Variants in AGBL1 observed in about 807,000 individuals in gnomAD.
The protein encoded by AGBL1 is AGBL carboxypeptidase 1.
Under a neutral mutation model 118.9 loss-of-function variants are expected in AGBL1, and 130 were observed. The observed-to-expected ratio is 1.09, with a 90% CI of 0.95 to 1.26. The LOEUF is 1.26. AGBL1 is among the 50% of genes most tolerant of loss of function. The pLI is 0.00. For synonymous variants in AGBL1, 555 were observed against 478.9 expected, an observed-to-expected ratio of 1.16 and a Z score of -2.08; for missense variants, 1,584 against 1,298.1, an observed-to-expected ratio of 1.22 and a Z score of -3.38.
At chr15:86,084,068 T>C (rs1362621028) in intron 1 of AGBL1, among the ~76,000 whole-genome samples, 1 of 152,194 alleles carries the variant, frequency 6.6e-6, no homozygotes, top group Non-Finnish European at 1.5e-5. Flanking sequence ...AAAACTGTCT[T>C]AATTTCAAGC....
intron 22 of AGBL1, among the ~76,000 whole-genome samples, chr15:86,807,569 T>C (rs557272388): frequency 2.0e-5 from 3 of 152,196 alleles, no homozygotes; most frequent in African/African-American, 7.2e-5. Flanking sequence ...AGAGAGGCCA[T>C]GCAGCCTATA....
At chr15:86,318,668 A>G (rs2080055923) in intron 17 of AGBL1, among the ~76,000 whole-genome samples, 1 of 150,346 alleles carries the variant, frequency 6.7e-6, no homozygotes, top group Non-Finnish European at 1.5e-5. Context: ...GGGTATTTAT[A>G]AGATTTGAAG....
chr15:86,081,998 C>T (rs894005602), intron 1 of AGBL1, among the ~76,000 whole-genome samples: 1 of 152,128 alleles, frequency 6.6e-6, no homozygotes, highest in African/African-American at 2.4e-5. Context: ...TACTTAGTTC[C>T]CAATTAAGCA....
At chr15:86,966,734 A>G (rs896776687) in intron 23 of AGBL1, among the ~76,000 whole-genome samples, 1 of 152,112 alleles carries the variant, frequency 6.6e-6, no homozygotes, top group African/African-American at 2.4e-5. Context: ...ATTGCTGGAC[A>G]TTTGGCTTGG....
In AGBL1 at chr15:87,017,357, G is replaced by GCTAC. The variant is rs1357682613; in HGVS notation, c.3324-11465_3324-11462dup. On this transcript the variant is annotated intron_variant, in intron 24 of 24. Coordinates refer to the AGBL1 transcript ENST00000441037. ...TGAGACTTCTCAACAGAGGTCTCCAGCTACCTCCTTTAGATACAATTTGGG... is the reference window on the plus strand; with the variant it reads ...TGAGACTTCTCAACAGAGGTCTCCAGCTACCTACCTCCTTTAGATACAATTTGGG... 4.6e-5 allele frequency among the ~76,000 whole-genome samples: 7 copies of GCTAC among 152,244 alleles called. No individual in the cohort carries two copies. In the East Asian group the frequency reaches 1.4e-3, roughly 30 times the overall value.
In AGBL1 at chr15:86,264,620, T is replaced by G. The variant is rs1233602613; in HGVS notation, c.1449T>G (p.Ser483=). Residue 483 remains serine, a synonymous_variant, in exon 11 of 23, where the codon TCT becomes TCG. Transcript: ENST00000614907. ...IFCPRMSASF[S]NSTRTREVVK... is the part of the protein sequence containing the mutation. The stretch of plus-strand genomic sequence containing the variant: ...GCCCAAGGATGAGTGCCTCCTTTTC[T>G]AATTCCACTAGGACTAGAGAAGTTG... 5.0e-6 allele frequency: 8 copies of G among 1,613,798 alleles called. No individual in the cohort carries two copies. Among genetic ancestry groups the G allele is most frequent in the Non-Finnish European group, 6.8e-6 (8 of 1,179,800 alleles).
intron 23 of AGBL1, among the ~76,000 whole-genome samples, chr15:86,936,602 T>C (rs1821327): frequency 0.68 from 103,050 of 152,152 alleles, 35,723 homozygotes; most frequent in South Asian, 0.86. Context: ...TAGCCATATG[T>C]AGAAGATTGA....
chr15:86,249,891 C>G (rs946944397), intron 7 of AGBL1, among the ~76,000 whole-genome samples: 1 of 152,238 alleles, frequency 6.6e-6, no homozygotes, highest in African/African-American at 2.4e-5. Context: ...AATCTGTGCA[C>G]AGGTTCTTCA....
chr15:86,170,158 G>A (rs1597488250), intron 5 of AGBL1, among the ~76,000 whole-genome samples: 1 of 152,138 alleles, frequency 6.6e-6, no homozygotes, highest in East Asian at 1.9e-4. Flanking sequence ...ATTAAGTAAT[G>A]ACACAGAAGA....
intron 17 of AGBL1, among the ~76,000 whole-genome samples, chr15:86,344,009 T>G (rs1019141568): frequency 6.6e-6 from 1 of 152,218 alleles, no homozygotes; most frequent in African/African-American, 2.4e-5. Context: ...GTAGCATATT[T>G]TTGTTTCCTG....
chr15:86,401,627 T>G (rs755313547), intron 18 of AGBL1, among the ~76,000 whole-genome samples: 12 of 152,202 alleles, frequency 7.9e-5, no homozygotes, highest in Non-Finnish European at 1.8e-4. Flanking sequence ...GATTTTTATA[T>G]AAGGTGAAAG....
rs116865933 is a variant in AGBL1, at chr15:86,636,012, A to T, written c.2995-38261A>T. On this transcript the variant is annotated intron_variant, in intron 21 of 22. Transcript: ENST00000614907. ...TGACACATTGGATTCACTATGAACCATATAAGTGGGTACCACTCACCATGA... is the reference window on the plus strand; with the variant it reads ...TGACACATTGGATTCACTATGAACCTTATAAGTGGGTACCACTCACCATGA... Among the ~76,000 whole-genome samples the T allele has an allele frequency of 6.0e-3, 910 of 152,262 alleles. 5 individuals are homozygous for T. Among genetic ancestry groups the T allele is most frequent in the Non-Finnish European group, 8.8e-3 (597 of 68,022 alleles).
chr15:86,372,323 T>C (rs1032933663), intron 17 of AGBL1, among the ~76,000 whole-genome samples: 1 of 152,186 alleles, frequency 6.6e-6, no homozygotes, highest in African/African-American at 2.4e-5. Context: ...CCTCCTTCCC[T>C]CCTCCCATTC....
intron 22 of AGBL1, among the ~76,000 whole-genome samples, chr15:86,726,208 C>G (rs965938995): frequency 6.6e-6 from 1 of 152,192 alleles, no homozygotes; most frequent in Non-Finnish European, 1.5e-5. Flanking sequence ...AGCAAAAAAG[C>G]TCTCAATTAC....
intron 21 of AGBL1, among the ~76,000 whole-genome samples, chr15:86,667,138 C>G (rs1414183135): frequency 2.0e-5 from 3 of 152,054 alleles, no homozygotes; most frequent in African/African-American, 4.8e-5. Flanking sequence ...AAAATACTCT[C>G]TAAATCATTT....
chr15:86,698,731 G>C (rs1437175085), intron 22 of AGBL1, among the ~76,000 whole-genome samples: 1 of 151,336 alleles, frequency 6.6e-6, no homozygotes, highest in Non-Finnish European at 1.5e-5. Flanking sequence ...AGTTTTTCTG[G>C]GATGCCTAAA....
chr15:86,448,854 A>G (rs1418151448), intron 18 of AGBL1, among the ~76,000 whole-genome samples: 2 of 152,218 alleles, frequency 1.3e-5, no homozygotes, highest in Admixed American at 6.5e-5. Flanking sequence ...CTCAAAAGAA[A>G]AAAAAAGGAG....
At chr15:86,820,397 A>C (rs925917899) in intron 22 of AGBL1, among the ~76,000 whole-genome samples, 28 of 152,230 alleles carry the variant, frequency 1.8e-4, no homozygotes, top group African/African-American at 6.5e-4. Context: ...TGTCCATCTG[A>C]CAAAGGGCTA....
At chr15:86,659,632 C>T (rs186681671) in intron 21 of AGBL1, among the ~76,000 whole-genome samples, 1 of 152,172 alleles carries the variant, frequency 6.6e-6, no homozygotes, top group Non-Finnish European at 1.5e-5. Flanking sequence ...AAGATCTAAC[C>T]TGATCAGGTT....
Sources: gnomAD v4.1 joint callset for allele counts (sites outside exome capture counted in the v4.1 genomes callset) on GRCh38, gnomAD v4.1.1 for gene constraint, MANE v1.5 for transcripts, NCBI Gene and HGNC (gene_info 2026-07-23, HGNC 2026-07-21) for gene names.